METTL21A: variants seen among roughly 807,000 people sequenced by gnomAD.
METTL21A encodes the protein methyltransferase 21A, HSPA lysine.
Under a neutral mutation model 20.9 loss-of-function variants are expected in METTL21A, and 22 were observed. That is an observed-to-expected ratio of 1.05 (90% CI 0.75 to 1.50). The LOEUF is 1.50. Ranked by LOEUF, METTL21A falls within the 40% of genes most tolerant of loss-of-function variation. The pLI is 0.00. For missense variants in METTL21A, 271 were observed against 266.8 expected (o/e 1.02, Z -0.11); for synonymous variants, 93 against 102.0 (o/e 0.91, Z 0.53).
intron 3 of METTL21A, chr2:207,615,705 AAAAAGAAAAGAAAAG>A (rs1171467462): frequency 2.0e-5 from 3 of 151,980 alleles, no homozygotes; most frequent in Admixed American, 6.6e-5. Flanking sequence ...AAAAAAAAAA[AAAAAGAAAAGAAAAG>A]AAAAGAAAAG....
chr2:207,616,546 A>T (rs1317209214), intron 3 of METTL21A, among the ~76,000 whole-genome samples: 2 of 152,122 alleles, frequency 1.3e-5, no homozygotes, highest in Non-Finnish European at 2.9e-5. Context: ...GACGTTTTTT[A>T]AAAAAACAGA....
chr2:207,614,769 C>T (rs571228616), intron 3 of METTL21A, among the ~76,000 whole-genome samples: 3 of 152,204 alleles, frequency 2.0e-5, no homozygotes, highest in East Asian at 1.9e-4. Flanking sequence ...AAGGTCAGGT[C>T]GGATCCACCT....
chr2:207,619,587 G>A (rs2090225938), intron 3 of METTL21A, among the ~76,000 whole-genome samples: 1 of 151,782 alleles, frequency 6.6e-6, no homozygotes, highest in Non-Finnish European at 1.5e-5. Flanking sequence ...GTGTGTATAC[G>A]GATACACAAA....
rs62191487 is a variant in METTL21A, at chr2:207,621,313, G to A, written c.259+493C>T. On this transcript the variant is annotated intron_variant, in intron 3 of 3. Coordinates refer to ENST00000406927, the Ensembl canonical transcript of METTL21A. ...GTTCATACAATTTTAAAAATAAGAA[G>A]TCAGTACAAACTATAGTGGGGGCTA... is the stretch of plus-strand genomic sequence containing the variant. Among the ~76,000 whole-genome samples, 125 of 152,258 alleles carry A rather than the reference G, an allele frequency of 8.2e-4. 1 individual carries two copies. The highest frequency in any genetic ancestry group is 2.4e-3 in the Admixed American group (37 of 15,286).
intron 3 of METTL21A, among the ~76,000 whole-genome samples, chr2:207,590,658 A>G (rs1408096778): frequency 6.6e-6 from 1 of 152,122 alleles, no homozygotes; most frequent in Non-Finnish European, 1.5e-5. Flanking sequence ...GTAAAGGGCC[A>G]GATAGTAAAT....
downstream of METTL21A, among the ~76,000 whole-genome samples, chr2:207,606,614 A>G (rs749973228): frequency 3.3e-5 from 5 of 152,188 alleles, no homozygotes; most frequent in Admixed American, 1.3e-4. Flanking sequence ...TGTACTTACC[A>G]ATTCATGTTA....
downstream of METTL21A, chr2:207,609,560 CTGAA>C (rs1188056373): frequency 6.6e-6 from 1 of 152,184 alleles, no homozygotes; most frequent in African/African-American, 2.4e-5. Flanking sequence ...AATACTACCA[CTGAA>C]TGAGCAATTA....
chr2:207,602,099 T>C (rs780691601), intron 3 of METTL21A: 5 of 205,204 alleles, frequency 2.4e-5, no homozygotes, highest in South Asian at 1.9e-4. Flanking sequence ...TAAGTTCTTA[T>C]TGATTAGTGA....
At chr2:207,625,626 G>A (rs1272653003), upstream of METTL21A, 4 of 152,350 alleles carry the variant, frequency 2.6e-5, no homozygotes, top group African/African-American at 4.8e-5. Flanking sequence ...GGTGCACAGG[G>A]AGAGCATGGG....
chr2:207,613,370 A>T, exon 4 of METTL21A: 1 of 1,612,150 alleles, frequency 6.2e-7, no homozygotes, highest in Non-Finnish European at 8.5e-7. Flanking sequence ...GGATATGAGG[A>T]GGTAAGTTGG....
chr2:207,613,545 C>T (rs751452841), intron 3 of METTL21A, 102 bp from the exon 4 acceptor site: 2 of 1,073,984 alleles, frequency 1.9e-6, no homozygotes, highest in Non-Finnish European at 2.6e-6. Flanking sequence ...AATATTGCAT[C>T]TGATATGCAT....
At chr2:207,625,251 A>T (rs956769189) in intron 1 of METTL21A, 2 of 152,142 alleles carry the variant, frequency 1.3e-5, no homozygotes, top group Non-Finnish European at 2.9e-5. Context: ...AGGCGCCGCC[A>T]CGCCGGTACT....
intron 3 of METTL21A, among the ~76,000 whole-genome samples, chr2:207,586,882 TAAC>T (rs1366939408): frequency 6.6e-6 from 1 of 152,178 alleles, no homozygotes; most frequent in African/African-American, 2.4e-5. Context: ...AGACAAGAAG[TAAC>T]AAACTGATGA....
chr2:207,620,808 T>A, intron 3 of METTL21A: 1 of 951,768 alleles, frequency 1.1e-6, no homozygotes, highest in Admixed American at 3.0e-5. Flanking sequence ...GAAAAAGAAA[T>A]AGTGAAAAAG....
chr2:207,622,163 T>A (rs1056012171), intron 2 of METTL21A, among the ~76,000 whole-genome samples: 3 of 64,248 alleles, frequency 4.7e-5, no homozygotes, highest in African/African-American at 1.2e-4. Flanking sequence ...AAAGCTTAAT[T>A]TTTTTTTTTT....
intron 3 of METTL21A, among the ~76,000 whole-genome samples, chr2:207,593,194 A>G (rs2464978): frequency 0.84 from 128,578 of 152,246 alleles, 54,486 homozygotes; most frequent in East Asian, 1. Context: ...GTTATCCACC[A>G]TTCCTATTAG....
At chr2:207,597,149 A>G (rs993337006) in intron 3 of METTL21A, 3 of 1,401,588 alleles carry the variant, frequency 2.1e-6, no homozygotes, top group African/African-American at 1.5e-5. Flanking sequence ...TTTTCTAAAC[A>G]TTTCTTTTTT....
chr2:207,603,162 T>A (rs2087393471), intron 3 of METTL21A: 1 of 211,670 alleles, frequency 4.7e-6, no homozygotes, highest in African/African-American at 2.3e-5. Flanking sequence ...ATCCCTGTTT[T>A]AATTTTTTTA....
intron 3 of METTL21A, among the ~76,000 whole-genome samples, chr2:207,593,314 C>T (rs1256862927): frequency 2.0e-5 from 3 of 152,066 alleles, no homozygotes; most frequent in Non-Finnish European, 4.4e-5. Flanking sequence ...TAGCTTGAGC[C>T]CAGGAATTCA....
Sources: allele counts gnomAD v4.1 joint callset (sites outside exome capture counted in the v4.1 genomes callset), GRCh38; gene constraint gnomAD v4.1.1; transcripts MANE v1.5; gene names NCBI Gene and HGNC (gene_info 2026-07-23, HGNC 2026-07-21).